The following ADARB1 variants were observed in gnomAD, a reference collection of about 807,000 sequenced individuals.
ADARB1 encodes the protein double-stranded RNA-specific editase 1.
ADARB1 carries 10 observed loss-of-function variants against 52.4 expected under a neutral mutation model. That is an observed-to-expected ratio of 0.19 (90% CI 0.12 to 0.32). The LOEUF (loss-of-function observed/expected upper bound fraction) is 0.32. Among genes scored for constraint, ADARB1 ranks in the 10% least tolerant of loss-of-function variants. The pLI, the probability that ADARB1 is intolerant of heterozygous loss-of-function variation, is 1.00. For missense variants in ADARB1, 643 were observed against 922.3 expected (o/e 0.70, Z 3.92); for synonymous variants, 349 against 371.1 (o/e 0.94, Z 0.68).
intron 1 of ADARB1, among the ~76,000 whole-genome samples, chr21:45,096,607 T>A (rs935363008): frequency 2.6e-5 from 4 of 152,204 alleles, no homozygotes; most frequent in African/African-American, 9.6e-5. Context: ...CTTGTCCCCA[T>A]GTACTTCCTC....
At chr21:45,153,213 A>G (rs2090387917) in intron 2 of ADARB1, among the ~76,000 whole-genome samples, 1 of 152,184 alleles carries the variant, frequency 6.6e-6, no homozygotes, top group Non-Finnish European at 1.5e-5. Context: ...TTTTAATTCA[A>G]CTTAATGTTT....
chr21:45,137,163 T>C (rs1417627853), intron 2 of ADARB1: 1 of 152,216 alleles, frequency 6.6e-6, no homozygotes, highest in Non-Finnish European at 1.5e-5. Flanking sequence ...AGGCAAGAAG[T>C]GAGAAGATTC....
At chr21:45,185,188 C>A in intron 8 of ADARB1, 97 bp downstream of exon 8, 1 of 1,451,134 alleles carries the variant, frequency 6.9e-7, no homozygotes, top group Non-Finnish European at 9.4e-7. Context: ...TGAATTTTGG[C>A]CCCATTTCCC....
intron 1 of ADARB1, among the ~76,000 whole-genome samples, chr21:45,124,191 A>C (rs947658260): frequency 6.6e-6 from 1 of 152,226 alleles, no homozygotes; most frequent in African/African-American, 2.4e-5. Context: ...TACGATGTTT[A>C]CACTGTATTT....
At chr21:45,150,239 A>G (rs1347973091) in intron 2 of ADARB1, among the ~76,000 whole-genome samples, 1 of 152,254 alleles carries the variant, frequency 6.6e-6, no homozygotes, top group East Asian at 1.9e-4. Context: ...CTGCCGCTGC[A>G]TTCCAGCCTG....
In ADARB1 at chr21:45,142,929, T is replaced by C. The variant is rs976408700; in HGVS notation, c.-48+14356T>C. On this transcript the variant is annotated intron_variant, in intron 2 of 10. Coordinates refer to ENST00000348831, the MANE Select transcript of ADARB1 (RefSeq NM_001112.4). This position sits in a 1 kb window ranked among gnomAD's most constrained non-coding sequence, Gnocchi z 4.0. ...TACTTTACCAACACCATGGCCATGCTGCACAGCTGTGCAGCCTCCACCCAC... is the reference window on the plus strand; with the variant it reads ...TACTTTACCAACACCATGGCCATGCCGCACAGCTGTGCAGCCTCCACCCAC... Among the ~76,000 whole-genome samples, 5 of 152,174 alleles carry C rather than the reference T, an allele frequency of 3.3e-5. No individual in the cohort carries two copies. The highest frequency in any genetic ancestry group is 7.2e-5 in the African/African-American group (3 of 41,448).
At chr21:45,104,815 T>C (rs2087176067) in intron 1 of ADARB1, among the ~76,000 whole-genome samples, 1 of 152,222 alleles carries the variant, frequency 6.6e-6, no homozygotes, top group Non-Finnish European at 1.5e-5. Context: ...GCTCCACACC[T>C]GCTCTTTGAA....
At chr21:45,168,592 A>T (rs1166011398) in intron 2 of ADARB1, among the ~76,000 whole-genome samples, 1 of 152,292 alleles carries the variant, frequency 6.6e-6, no homozygotes. Flanking sequence ...CTTTGTCCAA[A>T]ATCAGTTGGA....
intron 2 of ADARB1, among the ~76,000 whole-genome samples, chr21:45,161,851 C>T (rs1385608197): frequency 3.9e-5 from 6 of 152,178 alleles, no homozygotes; most frequent in Non-Finnish European, 4.4e-5. Context: ...TAAAAACCCC[C>T]GGACTCAGCC....
At chr21:45,156,057 T>G (rs868215744) in intron 2 of ADARB1, among the ~76,000 whole-genome samples, 3 of 139,874 alleles carry the variant, frequency 2.1e-5, no homozygotes, top group South Asian at 2.5e-4. Flanking sequence ...CCACCCACCA[T>G]CACCCATCAT....
intron 3 of ADARB1, among the ~76,000 whole-genome samples, chr21:45,173,452 G>C (rs2091568526): frequency 6.6e-6 from 1 of 152,072 alleles, no homozygotes; most frequent in Admixed American, 6.6e-5. Flanking sequence ...AGGTGAATAA[G>C]AATTTAGAAT....
In ADARB1 at chr21:45,222,131, C is replaced by G; in HGVS notation, c.2040C>G (p.Ile680Met). ...AGGCGCGTCTGTTCACAGCCTTCATCAAGGCGGGGCTGGGGGCCTGGGTGG... is the reference window on the plus strand; with the variant it reads ...AGGCGCGTCTGTTCACAGCCTTCATGAAGGCGGGGCTGGGGGCCTGGGTGG... ...AAKARLFTAF[I>M]KAGLGAWVEK... The change falls in exon 11 of 11, where the codon ATC becomes ATG. Residue 680 changes from isoleucine (I) to methionine (M), a missense_variant. By Grantham distance (10) the Ile-to-Met change is conservative. Coordinates refer to ENST00000348831, the MANE Select transcript of ADARB1 (RefSeq NM_001112.4). The G allele has an allele frequency of 6.2e-7, 1 of 1,611,152 alleles. No individual in the cohort carries two copies. The highest frequency in any genetic ancestry group is 8.5e-7 in the Non-Finnish European group (1 of 1,178,994).
chr21:45,124,514 A>G (rs1464999720), intron 1 of ADARB1, among the ~76,000 whole-genome samples: 1 of 151,794 alleles, frequency 6.6e-6, no homozygotes, highest in African/African-American at 2.4e-5. Context: ...AGCTGTGACT[A>G]CAGGTGCACG....
At chr21:45,126,562 C>G (rs944234085) in intron 1 of ADARB1, among the ~76,000 whole-genome samples, 14 of 152,154 alleles carry the variant, frequency 9.2e-5, no homozygotes. Context: ...TTCCTTGTGT[C>G]CTCGTCCTGT....
intron 9 of ADARB1, among the ~76,000 whole-genome samples, chr21:45,206,327 A>G (rs368703193): frequency 5.3e-5 from 8 of 152,256 alleles, no homozygotes; most frequent in Non-Finnish European, 1.0e-4. Context: ...TGTCTAAGCA[A>G]TATCTCATCC....
intron 2 of ADARB1, chr21:45,134,932 C>G (rs572824665): frequency 2.3e-5 from 10 of 440,320 alleles, no homozygotes; most frequent in Middle Eastern, 4.6e-4. Context: ...GCAGAGCCAC[C>G]TCTGCAGATG....
rs1392812066 is a variant in ADARB1 at position 45,226,218 on chromosome 21, A to T, written c.*4021A>T. On this transcript the variant is annotated 3_prime_UTR_variant, in exon 11 of 11. Coordinates refer to ENST00000348831, the MANE Select transcript of ADARB1 (RefSeq NM_001112.4). ...CCACAGCATAAGCTGATGGTATGTA[A>T]GGAACCGATGGGCCATTAAACATGA... 6.6e-6 allele frequency: 1 copy of T among 152,518 alleles called. No individual in the cohort carries two copies. Among genetic ancestry groups the T allele is most frequent in the East Asian group, 1.9e-4 (1 of 5,206 alleles). 9.4% of individuals were successfully genotyped at this position (152,518 alleles called of 1,614,324 possible). A position where few individuals can be genotyped will look rare whatever the true frequency, so the allele number is the denominator to read the frequency against.
chr21:45,193,776 AT>A (rs1338955292), intron 8 of ADARB1, among the ~76,000 whole-genome samples: 2 of 152,278 alleles, frequency 1.3e-5, no homozygotes, highest in African/African-American at 4.8e-5. Flanking sequence ...GTGTAAAGCA[AT>A]ACACTGAAAG....
intron 1 of ADARB1, among the ~76,000 whole-genome samples, chr21:45,109,255 GTA>G (rs2087412391): frequency 3.3e-5 from 3 of 89,972 alleles, no homozygotes; most frequent in Non-Finnish European, 7.2e-5. Flanking sequence ...GCGCGTGTGC[GTA>G]TGTGTGTGCA....
Sources: gnomAD v4.1 joint callset for allele counts (sites outside exome capture counted in the v4.1 genomes callset) on GRCh38, gnomAD v4.1.1 for gene constraint, Gnocchi (gnomAD v3.1) non-coding constraint, MANE v1.5 for transcripts, NCBI Gene and HGNC (gene_info 2026-07-23, HGNC 2026-07-21) for gene names.